PDE4C: variants seen among roughly 807,000 people sequenced by gnomAD.
PDE4C encodes phosphodiesterase 4C.
In PDE4C, 50 loss-of-function variants were observed where a neutral mutation model predicts 63.9. The observed-to-expected ratio is 0.78, with a 90% CI of 0.62 to 0.99. The LOEUF (loss-of-function observed/expected upper bound fraction) is 0.99, where lower values mean the gene tolerates loss of function less well. Ranked by LOEUF, PDE4C falls within the 50% of genes least tolerant of loss-of-function variation. The pLI, the probability that PDE4C is intolerant of heterozygous loss-of-function variation, is 0.00. For synonymous variants in PDE4C, 377 were observed against 385.1 expected, an observed-to-expected ratio of 0.98 and a Z score of 0.25; for missense variants, 777 against 899.1, an observed-to-expected ratio of 0.86 and a Z score of 1.74.
At chr19:18,245,733 T>C (rs1210893321) in intron 1 of PDE4C, among the ~76,000 whole-genome samples, 2 of 152,246 alleles carry the variant, frequency 1.3e-5, no homozygotes, top group African/African-American at 2.4e-5. Context: ...TTCTGTGTCC[T>C]ACACACTCAG....
intron 1 of PDE4C, chr19:18,232,802 T>G: frequency 1.0e-6 from 1 of 967,248 alleles, no homozygotes; most frequent in Non-Finnish European, 1.4e-6. Flanking sequence ...CACCCCTACG[T>G]AGAAATAGCT....
At chr19:18,222,214 C>T (rs1422636316) in exon 2 of PDE4C, 5 of 1,614,156 alleles carry the variant, frequency 3.1e-6, no homozygotes, top group Admixed American at 3.3e-5. Flanking sequence ...AGGAAGGACT[C>T]GCGCCGCTGG....
the PDE4C span, chr19:18,255,106 C>T: frequency 1.0e-5 from 4 of 393,642 alleles, no homozygotes; most frequent in Admixed American, 4.4e-5. The surrounding 1 kb of genome is among the most constrained non-coding windows in gnomAD (Gnocchi z 4.6). Flanking sequence ...GGAGGGTTGG[C>T]GGACCAGCGT....
At chr19:18,233,319 C>T (rs2148055311) in exon 1 of PDE4C, 1 of 1,323,028 alleles carries the variant, frequency 7.6e-7, no homozygotes. Flanking sequence ...GCTGTCCGCG[C>T]CGGAGGTGCT....
upstream of PDE4C, among the ~76,000 whole-genome samples, chr19:18,238,061 A>G (rs1307819602): frequency 2.0e-5 from 3 of 151,932 alleles, no homozygotes; most frequent in Non-Finnish European, 4.4e-5. Context: ...CTAGCTCTAC[A>G]AAAAATAAAC....
chr19:18,221,274 G>A (rs1219652000), exon 3 of PDE4C: 3 of 1,544,226 alleles, frequency 1.9e-6, no homozygotes, highest in Non-Finnish European at 2.6e-6. Flanking sequence ...GGCAAAGGGC[G>A]TCACAATCAT....
Position 18,221,030 on chromosome 19 carries a change from C to A in PDE4C, c.449+75G>T. ...CACCTGGAGGCGCCGGAGCCCCAGCCTCAATTTGCAGCCCGCTTTCCGCCC... is the reference window on the plus strand; with the variant it reads ...CACCTGGAGGCGCCGGAGCCCCAGCATCAATTTGCAGCCCGCTTTCCGCCC... On this transcript the variant is annotated intron_variant, in intron 4 of 14. Coordinates refer to ENST00000262805, the Ensembl canonical transcript of PDE4C. The A allele has an allele frequency of 2.0e-6, 3 of 1,515,448 alleles. No individual in the cohort carries two copies. The South Asian group carries it at 3.7e-5, about 19-fold the overall frequency. The allele number at this position is 1,515,448 out of a possible 1,614,324, so 93.9% of individuals were successfully genotyped here.
upstream of PDE4C, among the ~76,000 whole-genome samples, chr19:18,229,115 T>A (rs1327642548): frequency 2.0e-5 from 3 of 148,644 alleles, no homozygotes; most frequent in African/African-American, 7.4e-5. Flanking sequence ...TTTTTTTTTT[T>A]TTTTTTTTGT....
intron 12 of PDE4C, 86 bp from the exon 13 acceptor site, chr19:18,213,576 C>T: frequency 7.0e-7 from 1 of 1,435,416 alleles, no homozygotes; most frequent in South Asian, 1.3e-5. Context: ...CACTCTGGCT[C>T]AGACTCAGCC....
chr19:18,233,826 C>T (rs888001525), upstream of PDE4C, among the ~76,000 whole-genome samples: 1 of 152,144 alleles, frequency 6.6e-6, no homozygotes, highest in African/African-American at 2.4e-5. Context: ...CCTCAACCTT[C>T]CCCAGCAACA....
intron 1 of PDE4C, among the ~76,000 whole-genome samples, chr19:18,225,225 A>T (rs1249279906): frequency 6.6e-6 from 1 of 152,158 alleles, no homozygotes; most frequent in African/African-American, 2.4e-5. Context: ...AAACTGAGCC[A>T]GGGAGGCTCG....
chr19:18,252,594 CTCTCTCTCTCTT>C (rs1311247310), upstream of PDE4C: 3 of 392,626 alleles, frequency 7.6e-6, no homozygotes, highest in African/African-American at 6.4e-5. Context: ...GCGAGACCCT[CTCTCTCTCTCTT>C]TCTCTCTCTC....
rs114167297 is a variant in PDE4C at position 18,213,531 on chromosome 19, G to A, written c.1390-41C>T. On this transcript the variant is annotated intron_variant, in intron 12 of 14. Transcript: ENST00000262805. The stretch of plus-strand genomic sequence containing the variant: ...GGAAGGTGACAGGCGCGAGGACCCT[G>A]CCCACCCCAACCCTCACTCCCAACT... The A allele has an allele frequency of 9.7e-3, 15,396 of 1,586,846 alleles. 476 individuals are homozygous for A. The highest frequency in any genetic ancestry group is 0.081 in the African/African-American group (5,996 of 74,266).
At chr19:18,229,795 C>T (rs1023587380), upstream of PDE4C, among the ~76,000 whole-genome samples, 5 of 151,404 alleles carry the variant, frequency 3.3e-5, no homozygotes, top group Non-Finnish European at 7.4e-5. Context: ...GGTCAAATCA[C>T]ACACTCCTTT....
upstream of PDE4C, among the ~76,000 whole-genome samples, chr19:18,237,445 G>A (rs1258707298): frequency 6.6e-6 from 1 of 152,056 alleles, no homozygotes; most frequent in East Asian, 1.9e-4. Flanking sequence ...CAGCTACTCG[G>A]GAGGCTGAAG....
In PDE4C at chr19:18,220,577, G is replaced by A; in HGVS notation, c.500-62C>T. Reference sequence around the variant, plus strand: ...CCCGCTCAGGGACCCCACGCCTCTCGCGACTTCGTCTCTTCATCTGGACCC... The same window carrying A: ...CCCGCTCAGGGACCCCACGCCTCTCACGACTTCGTCTCTTCATCTGGACCC... On this transcript the variant is annotated intron_variant, in intron 5 of 14. Transcript: ENST00000262805. This position sits in a 1 kb window ranked among gnomAD's most constrained non-coding sequence, Gnocchi z 5.1. 1 of 1,407,630 alleles carries A rather than the reference G, an allele frequency of 7.1e-7. No individual in the cohort carries two copies. The highest frequency in any genetic ancestry group is 9.9e-7 in the Non-Finnish European group (1 of 1,012,160). 87.2% of individuals were successfully genotyped at this position (1,407,630 alleles called of 1,614,324 possible). A position where few individuals can be genotyped will look rare whatever the true frequency, so the allele number is the denominator to read the frequency against.
exon 15 of PDE4C, chr19:18,211,124 G>A (rs764817420): frequency 2.7e-5 from 43 of 1,614,008 alleles, no homozygotes; most frequent in Admixed American, 8.3e-5. Context: ...CGTCCCGCTC[G>A]GGGTTGGTGA....
At chr19:18,230,631 CT>C (rs1242241874), upstream of PDE4C, among the ~76,000 whole-genome samples, 1 of 152,202 alleles carries the variant, frequency 6.6e-6, no homozygotes, top group East Asian at 1.9e-4. Context: ...TTTGCACATT[CT>C]GTTCCTTCTA....
upstream of PDE4C, chr19:18,234,221 T>C (rs1968909560): frequency 6.6e-6 from 1 of 152,402 alleles, no homozygotes; most frequent in Non-Finnish European, 1.5e-5. Flanking sequence ...AACCCACCTT[T>C]TGTGGAAGCT....
Sources: gnomAD v4.1 joint callset for allele counts (sites outside exome capture counted in the v4.1 genomes callset) on GRCh38, gnomAD v4.1.1 for gene constraint, Gnocchi (gnomAD v3.1) non-coding constraint, MANE v1.5 for transcripts, NCBI Gene and HGNC (gene_info 2026-07-23, HGNC 2026-07-21) for gene names.